The following SLC6A6 variants were observed in gnomAD, a reference collection of about 807,000 sequenced individuals.
SLC6A6 encodes the protein sodium- and chloride-dependent taurine transporter.
Under a neutral mutation model 68.8 loss-of-function variants are expected in SLC6A6, and 16 were observed. The observed-to-expected ratio is 0.23, with a 90% confidence interval of 0.16 to 0.35. The LOEUF (loss-of-function observed/expected upper bound fraction) is 0.35. Ranked by LOEUF, SLC6A6 falls within the 10% of genes least tolerant of loss-of-function variation. The pLI is 1.00. For missense variants in SLC6A6, 474 were observed against 802.8 expected, an observed-to-expected ratio of 0.59 and a Z score of 4.95; for synonymous variants, 312 against 315.4, an observed-to-expected ratio of 0.99 and a Z score of 0.12.
intron 2 of SLC6A6, among the ~76,000 whole-genome samples, chr3:14,433,488 T>A (rs1699777439): frequency 6.6e-6 from 1 of 152,040 alleles, no homozygotes; most frequent in Non-Finnish European, 1.5e-5. Flanking sequence ...GGTGTGGGGT[T>A]AACGACTCTA....
chr3:14,417,059 A>C (rs935760844), intron 2 of SLC6A6, among the ~76,000 whole-genome samples: 2 of 152,238 alleles, frequency 1.3e-5, no homozygotes, highest in Non-Finnish European at 2.9e-5. Flanking sequence ...TGTCAAGGGC[A>C]CAGTGGCTCA....
chr3:14,468,335 A>ACCC lies in SLC6A6; in HGVS notation c.1096+131_1096+133dup, dbSNP rs35842831. 611 of 591,122 alleles carry ACCC rather than the reference A, an allele frequency of 1.0e-3. 1 individual carries two copies. Among genetic ancestry groups the ACCC allele is most frequent in the African/African-American group, 2.2e-3 (100 of 45,918 alleles). 36.6% of individuals were successfully genotyped at this position (591,122 alleles called of 1,614,324 possible). The stretch of plus-strand genomic sequence containing the variant: ...GGGACGAGCCTGGTTTCTAAAATGG[A>ACCC]CCCCCCCCCCGCCACCAAGATATCC... On this transcript the variant is annotated intron_variant, in intron 9 of 14. Transcript: ENST00000622186. This position sits in a 1 kb window ranked among gnomAD's most constrained non-coding sequence, Gnocchi z 4.5.
chr3:14,480,908 G>A lies in SLC6A6; in HGVS notation c.1552-763G>A, dbSNP rs563094134. 1.3e-3 allele frequency among the ~76,000 whole-genome samples: 198 copies of A among 152,338 alleles called. 1 individual carries two copies. The highest frequency in any genetic ancestry group is 1.2e-3 in the Non-Finnish European group (83 of 68,036). On this transcript the variant is annotated intron_variant, in intron 13 of 14. Coordinates refer to ENST00000622186, the MANE Select transcript of SLC6A6 (RefSeq NM_003043.6). ...GCATGCTGATGGCCACTAGCCATTAGCATGGACCCAGGGCTGGGCTGTGGA... is the reference window on the plus strand; with the variant it reads ...GCATGCTGATGGCCACTAGCCATTAACATGGACCCAGGGCTGGGCTGTGGA...
At chr3:14,438,091 C>A (rs1294364797) in intron 2 of SLC6A6, among the ~76,000 whole-genome samples, 1 of 151,302 alleles carries the variant, frequency 6.6e-6, no homozygotes, top group Admixed American at 6.6e-5. Context: ...GTGATCTGCC[C>A]ACCTCGGCCT....
intron 14 of SLC6A6, among the ~76,000 whole-genome samples, chr3:14,482,762 G>A (rs3773165): frequency 0.2 from 30,116 of 151,964 alleles, 3,302 homozygotes; most frequent in East Asian, 0.36. Context: ...GGGTTATCCT[G>A]GAGCTTTTGA....
rs1701259433 is a variant in SLC6A6, at chr3:14,489,059, T to G, written c.*4052T>G. 2 of 152,536 alleles carry G rather than the reference T, an allele frequency of 1.3e-5. No individual in the cohort carries two copies. The highest frequency in any genetic ancestry group is 2.4e-5 in the African/African-American group (1 of 41,404). The allele number at this position is 152,536 out of a possible 1,614,324, so 9.4% of individuals were successfully genotyped here. A position where few individuals can be genotyped will look rare whatever the true frequency, so the allele number is the denominator to read the frequency against. ...ATTTTTTTAAAACTTCAAAATATTT[T>G]TAAGATATTTTAAACTTTTATAAAA... On this transcript the variant is annotated 3_prime_UTR_variant, in exon 15 of 15. Coordinates refer to ENST00000622186, the MANE Select transcript of SLC6A6 (RefSeq NM_003043.6).
intron 4 of SLC6A6, among the ~76,000 whole-genome samples, chr3:14,447,188 C>T (rs767961034): frequency 6.6e-6 from 1 of 152,022 alleles, no homozygotes; most frequent in African/African-American, 2.4e-5. Context: ...TCCATCTGTT[C>T]ATTCATCCAT....
intron 2 of SLC6A6, among the ~76,000 whole-genome samples, chr3:14,430,686 G>A (rs1382026532): frequency 6.6e-6 from 1 of 152,192 alleles, no homozygotes; most frequent in East Asian, 1.9e-4. Context: ...TTAGATATGA[G>A]CCTCATCCTC....
chr3:14,424,349 G>T (rs950668996), intron 2 of SLC6A6, among the ~76,000 whole-genome samples: 1 of 147,836 alleles, frequency 6.8e-6, no homozygotes, highest in Non-Finnish European at 1.5e-5. Flanking sequence ...CTTTGGGCAC[G>T]CAAAGTTAAA....
Position 14,458,081 on chromosome 3 carries a change from A to G in SLC6A6, c.731A>G (p.Lys244Arg). 1.9e-6 allele frequency: 3 copies of G among 1,613,886 alleles called. No homozygotes were observed. Among genetic ancestry groups the G allele is most frequent in the Non-Finnish European group, 2.5e-6 (3 of 1,179,778 alleles). Reference sequence around the variant, plus strand: ...TGGAAGGGCGTCAGGTCCACTGGGAAGGTAAGTTGGACTTCTGTCCGTCCC... The same window carrying G: ...TGGAAGGGCGTCAGGTCCACTGGGAGGGTAAGTTGGACTTCTGTCCGTCCC... ...CIWKGVRSTGKVVYFTATFPF... is the reference protein window; with the variant it reads ...CIWKGVRSTGRVVYFTATFPF... The change falls in exon 6 of 15, where the codon AAG becomes AGG. Residue 244 changes from lysine (K) to arginine (R), a missense_variant and splice_region_variant. Physicochemically the swap from Lys to Arg is conservative, Grantham distance 26 (BLOSUM62 2). This residue lies in a region of SLC6A6 where 280 missense variants were observed against 533.1 expected (regional missense o/e 0.53). Coordinates refer to ENST00000622186, the MANE Select transcript of SLC6A6 (RefSeq NM_003043.6).
chr3:14,420,427 TTTAA>T (rs1342848782), intron 2 of SLC6A6, among the ~76,000 whole-genome samples: 3 of 152,324 alleles, frequency 2.0e-5, no homozygotes, highest in South Asian at 4.1e-4. Flanking sequence ...GCAGTGTTTA[TTTAA>T]TTAATCCCAT....
chr3:14,415,791 A>G (rs915004244), intron 1 of SLC6A6, among the ~76,000 whole-genome samples: 8 of 152,098 alleles, frequency 5.3e-5, no homozygotes, highest in Non-Finnish European at 1.0e-4. Context: ...CAGATTTCCT[A>G]GGCACAGTGA....
At position 14,443,769 on chromosome 3, in the gene SLC6A6, T is replaced by C; in HGVS notation, c.135T>C (p.Ser45=). The change falls in exon 3 of 15, where the codon TCT becomes TCC. Residue 45 remains serine, a synonymous_variant. Transcript: ENST00000622186. ...AACCTCCGCAGAGGGAGAAGTGGTC[T>C]AGCAAGATCGACTTTGTGCTCTCTG... The part of the protein sequence containing the change: ...EGKPPQREKW[S]SKIDFVLSVA... 6.2e-7 allele frequency: 1 copy of C among 1,614,064 alleles called. No individual in the cohort carries two copies. The highest frequency in any genetic ancestry group is 1.1e-5 in the South Asian group (1 of 91,076).
chr3:14,438,852 A>G (rs976034958), intron 2 of SLC6A6, among the ~76,000 whole-genome samples: 19 of 152,234 alleles, frequency 1.2e-4, no homozygotes, highest in African/African-American at 4.6e-4. Flanking sequence ...GACATGTAGG[A>G]CACTGGTTGT....
Position 14,485,104 on chromosome 3 carries a change from A to AT in SLC6A6, c.*110dup, listed in dbSNP as rs35363110. The AT allele has an allele frequency of 0.051, 38,971 of 768,354 alleles. 159 individuals are homozygous for AT. The highest frequency in any genetic ancestry group is 0.082 in the South Asian group (3,690 of 45,034). 47.6% of individuals were successfully genotyped at this position (768,354 alleles called of 1,614,324 possible). ...TACAGAGCTTTATATTTGCACTAGGATTTTTTTTTTTTTGTAATTGTCACA... is the reference window on the plus strand; with the variant it reads ...TACAGAGCTTTATATTTGCACTAGGATTTTTTTTTTTTTTGTAATTGTCACA... On this transcript the variant is annotated 3_prime_UTR_variant, in exon 15 of 15. Transcript: ENST00000622186.
chr3:14,483,049 A>G (rs1574970803), intron 14 of SLC6A6, among the ~76,000 whole-genome samples: 1 of 138,932 alleles, frequency 7.2e-6, no homozygotes, highest in Admixed American at 7.0e-5. Context: ...CTCTGCTCTG[A>G]TTGGTGAGTG....
chr3:14,477,386 G>A lies in SLC6A6; in HGVS notation c.1347+44G>A, dbSNP rs545580571. On this transcript the variant is annotated intron_variant, in intron 11 of 14. Coordinates refer to ENST00000622186, the MANE Select transcript of SLC6A6 (RefSeq NM_003043.6). The surrounding 1 kb of genome is among the most constrained non-coding windows in gnomAD (Gnocchi z 4.2). ...TGTGTTTCAGGCTTGGTGCTCCAGT[G>A]CCCTCCTCAAGGCCATAGTGGAGGC... The A allele has an allele frequency of 1.2e-6, 2 of 1,604,016 alleles. No homozygotes were observed. The highest frequency in any genetic ancestry group is 2.2e-5 in the South Asian group (2 of 90,156).
intron 1 of SLC6A6, among the ~76,000 whole-genome samples, chr3:14,406,600 C>T (rs1302433733): frequency 2.6e-5 from 4 of 152,192 alleles, no homozygotes; most frequent in Non-Finnish European, 5.9e-5. Context: ...CTTTGACCTC[C>T]CTGGAGCACA....
At chr3:14,408,795 GTTTTGTTTTTT>G (rs980488796) in intron 1 of SLC6A6, among the ~76,000 whole-genome samples, 1 of 150,870 alleles carries the variant, frequency 6.6e-6, no homozygotes, top group African/African-American at 2.4e-5. Context: ...CTGTAGTTTT[GTTTTGTTTTTT>G]TTTTGTTTGT....
Sources: gnomAD v4.1 joint callset for allele counts (sites outside exome capture counted in the v4.1 genomes callset) on GRCh38, gnomAD v4.1.1 for gene constraint, gnomAD v4.1.1 regional missense constraint, Gnocchi (gnomAD v3.1) non-coding constraint, MANE v1.5 for transcripts, NCBI Gene and HGNC (gene_info 2026-07-23, HGNC 2026-07-21) for gene names.